Variants in CSMD1 observed in about 807,000 individuals in gnomAD.
The protein encoded by CSMD1 is CUB and Sushi multiple domains 1, also known as CUB and sushi domain-containing protein 1.
In CSMD1, 213 loss-of-function variants were observed where a neutral mutation model predicts 417.5. The ratio of observed to expected loss-of-function variants is 0.51; its 90% CI spans 0.46 to 0.57. The LOEUF is 0.57. Ranked by LOEUF, CSMD1 falls within the 20% of genes least tolerant of loss-of-function variation. The pLI is 0.00. For missense variants in CSMD1, 6,923 were observed against 4,529.7 expected, an observed-to-expected ratio of 1.53 and a Z score of -15.17; for synonymous variants, 2,862 against 1,736.8, an observed-to-expected ratio of 1.65 and a Z score of -16.11.
At chr8:4,235,295 C>G (rs1017735507) in intron 3 of CSMD1, among the ~76,000 whole-genome samples, 1 of 151,558 alleles carries the variant, frequency 6.6e-6, no homozygotes, top group African/African-American at 2.4e-5. Context: ...CAAAAATGCA[C>G]TGGAAAAAAA....
At chr8:4,973,251 T>C (rs1419987818) in intron 1 of CSMD1, among the ~76,000 whole-genome samples, 1 of 152,192 alleles carries the variant, frequency 6.6e-6, no homozygotes, top group African/African-American at 2.4e-5. Flanking sequence ...GAATTTAAAA[T>C]GCTTGAGGGC....
chr8:4,131,159 A>G (rs1056933230), intron 3 of CSMD1, among the ~76,000 whole-genome samples: 1 of 152,188 alleles, frequency 6.6e-6, no homozygotes, highest in Non-Finnish European at 1.5e-5. Flanking sequence ...GATTTTAGAC[A>G]AAAGACTGAG....
At chr8:4,286,289 C>A (rs966470407) in intron 3 of CSMD1, among the ~76,000 whole-genome samples, 2 of 152,158 alleles carry the variant, frequency 1.3e-5, no homozygotes, top group Non-Finnish European at 2.9e-5. Flanking sequence ...TTAGTGCTAT[C>A]TGTCCTCAGG....
At chr8:4,942,613 C>G (rs1191248493) in intron 1 of CSMD1, among the ~76,000 whole-genome samples, 1 of 152,136 alleles carries the variant, frequency 6.6e-6, no homozygotes, top group Non-Finnish European at 1.5e-5. Context: ...AACTAATGTT[C>G]CAATATGGAT....
At chr8:4,447,119 C>T (rs1318394676) in intron 2 of CSMD1, among the ~76,000 whole-genome samples, 3 of 152,050 alleles carry the variant, frequency 2.0e-5, no homozygotes, top group Non-Finnish European at 4.4e-5. Context: ...CTTAAATGTA[C>T]ATTTGCAAAT....
At chr8:3,538,917 C>T (rs1798319918) in intron 10 of CSMD1, among the ~76,000 whole-genome samples, 2 of 152,206 alleles carry the variant, frequency 1.3e-5, no homozygotes, top group African/African-American at 2.4e-5. Context: ...ATGCTGCACA[C>T]AGCCGCCAGA....
At chr8:3,992,947 G>A (rs764956135) in intron 5 of CSMD1, among the ~76,000 whole-genome samples, 1 of 152,200 alleles carries the variant, frequency 6.6e-6, no homozygotes, top group Non-Finnish European at 1.5e-5. Context: ...GATAGGTCAA[G>A]TTCATAGAAA....
chr8:3,406,923 C>G (rs1249637980), intron 14 of CSMD1, among the ~76,000 whole-genome samples: 2 of 152,154 alleles, frequency 1.3e-5, no homozygotes, highest in Non-Finnish European at 2.9e-5. Flanking sequence ...TCCTTGGCTC[C>G]TGACATCATA....
intron 5 of CSMD1, among the ~76,000 whole-genome samples, chr8:3,950,677 C>A (rs1811541229): frequency 6.6e-6 from 1 of 152,306 alleles, no homozygotes; most frequent in Non-Finnish European, 1.5e-5. Context: ...TCTCCTGCCA[C>A]TTTAATAATG....
At chr8:3,424,719 T>G (rs1425559591) in intron 12 of CSMD1, among the ~76,000 whole-genome samples, 2 of 152,250 alleles carry the variant, frequency 1.3e-5, no homozygotes, top group East Asian at 1.9e-4. Context: ...GGAATTGTCC[T>G]TCTTGATTAT....
At chr8:4,506,061 C>T (rs972587939) in intron 2 of CSMD1, among the ~76,000 whole-genome samples, 1 of 152,054 alleles carries the variant, frequency 6.6e-6, no homozygotes, top group Non-Finnish European at 1.5e-5. Context: ...ACATGTAAAG[C>T]AATCAAAAGC....
chr8:4,047,025 A>G (rs538137073), intron 3 of CSMD1, among the ~76,000 whole-genome samples: 5 of 152,280 alleles, frequency 3.3e-5, no homozygotes, highest in African/African-American at 1.2e-4. Context: ...TAGGGTTGTG[A>G]CATAGAGGGA....
chr8:4,027,145 C>G (rs1797104731), intron 4 of CSMD1, among the ~76,000 whole-genome samples: 1 of 152,140 alleles, frequency 6.6e-6, no homozygotes. Flanking sequence ...GGGTACACTA[C>G]CAGGTGGAAT....
intron 3 of CSMD1, among the ~76,000 whole-genome samples, chr8:4,418,644 G>C (rs903656132): frequency 1.3e-5 from 2 of 152,056 alleles, no homozygotes; most frequent in Non-Finnish European, 2.9e-5. Flanking sequence ...AGATGCTTTT[G>C]TAATATTCTG....
In CSMD1 at chr8:3,590,916, T is replaced by C. The variant is rs185560666; in HGVS notation, c.1098-4656A>G. On this transcript the variant is annotated intron_variant, in intron 8 of 69. Coordinates refer to ENST00000635120, the MANE Select transcript of CSMD1 (RefSeq NM_033225.6). ...TGTGCTTTCGATGTCGAATATATAATAAACTAAGTTTTCACTGATTTATGA... is the reference window on the plus strand; with the variant it reads ...TGTGCTTTCGATGTCGAATATATAACAAACTAAGTTTTCACTGATTTATGA... Among the ~76,000 whole-genome samples, 3 of 152,218 alleles carry C rather than the reference T, an allele frequency of 2.0e-5. No homozygotes were observed. In the East Asian group the frequency reaches 5.8e-4, roughly 29 times the overall value.
intron 7 of CSMD1, among the ~76,000 whole-genome samples, chr8:3,659,561 T>C (rs1002001302): frequency 5.9e-5 from 9 of 152,220 alleles, no homozygotes; most frequent in Non-Finnish European, 1.2e-4. Context: ...TTCGGGGGGT[T>C]ATCATATTAG....
chr8:3,861,711 C>A (rs571964165), intron 5 of CSMD1, among the ~76,000 whole-genome samples: 124 of 151,988 alleles, frequency 8.2e-4, no homozygotes, highest in Non-Finnish European at 1.6e-3. Context: ...GGTTTTTATT[C>A]GTTTTGTGTT....
At chr8:3,723,870 A>G (rs568179214) in intron 6 of CSMD1, among the ~76,000 whole-genome samples, 5 of 152,322 alleles carry the variant, frequency 3.3e-5, no homozygotes, top group African/African-American at 1.2e-4. Context: ...ATAGACCAAC[A>G]CGTTTTACTA....
intron 10 of CSMD1, among the ~76,000 whole-genome samples, chr8:3,506,337 G>C (rs1056615644): frequency 1.3e-5 from 2 of 152,194 alleles, no homozygotes; most frequent in Admixed American, 6.5e-5. Context: ...AAGAGACAAG[G>C]AGGCTTGCCG....
Sources: allele counts gnomAD v4.1 joint callset (sites outside exome capture counted in the v4.1 genomes callset), GRCh38; gene constraint gnomAD v4.1.1; transcripts MANE v1.5; gene names NCBI Gene and HGNC (gene_info 2026-07-23, HGNC 2026-07-21).